The following MFHAS1 variants were observed in gnomAD, a reference collection of about 807,000 sequenced individuals.
MFHAS1 encodes multifunctional ROCO family signaling regulator 1, also known as malignant fibrous histiocytoma-amplified sequence 1.
MFHAS1 carries 50 observed loss-of-function variants against 70.4 expected under a neutral mutation model. The observed-to-expected ratio is 0.71, with a 90% CI of 0.57 to 0.90. MFHAS1 has a LOEUF of 0.90. Ranked by LOEUF, MFHAS1 falls within the 40% of genes least tolerant of loss-of-function variation. The pLI is 0.00. For missense variants in MFHAS1, 1,795 were observed against 1,347.6 expected (o/e 1.33, Z -5.20); for synonymous variants, 952 against 620.0 (o/e 1.54, Z -7.96).
Position 8,890,871 on chromosome 8 carries a change from G to A in MFHAS1, c.2188C>T (p.Leu730Phe). The change falls in exon 1 of 3, where the codon CTC becomes TTC. Residue 730 changes from leucine (L) to phenylalanine (F), a missense_variant. Physicochemically the swap from Leu to Phe is conservative, Grantham distance 22. Transcript: ENST00000276282. The part of the protein sequence containing the change: ...PALKEHVFHN[L>F]TRLIDILNVF... The stretch of plus-strand genomic sequence containing the variant: ...TTGAGGATGTCGATGAGGCGGGTGA[G>A]GTTGTGGAAGACGTGCTCCTTGAGA... The A allele has an allele frequency of 6.2e-7, 1 of 1,614,128 alleles. No individual in the cohort carries two copies. Among genetic ancestry groups the A allele is most frequent in the Non-Finnish European group, 8.5e-7 (1 of 1,180,030 alleles).
intron 1 of MFHAS1, among the ~76,000 whole-genome samples, chr8:8,884,862 A>C (rs1477927814): frequency 6.6e-6 from 1 of 152,104 alleles, no homozygotes; most frequent in Non-Finnish European, 1.5e-5. Context: ...AAGTAGGAGG[A>C]TCATCACCTG....
intron 1 of MFHAS1, among the ~76,000 whole-genome samples, chr8:8,870,153 G>C (rs571499787): frequency 6.6e-4 from 100 of 152,070 alleles, no homozygotes; most frequent in South Asian, 2.1e-4. Context: ...TGAATAGATA[G>C]GCTAAAAGTT....
At chr8:8,803,427 G>A (rs1372196927) in intron 1 of MFHAS1, among the ~76,000 whole-genome samples, 1 of 150,350 alleles carries the variant, frequency 6.7e-6, no homozygotes, top group Non-Finnish European at 1.5e-5. Flanking sequence ...TGAGGCAGAA[G>A]AATCGCTTGA....
chr8:8,810,952 G>C (rs1806524145), intron 1 of MFHAS1, among the ~76,000 whole-genome samples: 1 of 152,174 alleles, frequency 6.6e-6, no homozygotes, highest in South Asian at 2.1e-4. Flanking sequence ...TCCTGGGAGA[G>C]AGGAGAAAAC....
intron 1 of MFHAS1, among the ~76,000 whole-genome samples, chr8:8,818,660 T>C (rs187038022): frequency 9.1e-4 from 139 of 152,344 alleles, no homozygotes; most frequent in Middle Eastern, 3.4e-3. Flanking sequence ...TGGCACATAA[T>C]AGCAACTCAC....
rs1340866454 is a variant in MFHAS1, at chr8:8,784,070, A to G, written c.*1952T>C. ...ATGTTCGTAACAGCAAATACTTTGT[A>G]GGGTGTGTCACCCAAAGGAGCATTT... On this transcript the variant is annotated 3_prime_UTR_variant, in exon 3 of 3. Transcript: ENST00000276282. 1.3e-5 allele frequency: 2 copies of G among 152,206 alleles called. No individual in the cohort carries two copies. The highest frequency in any genetic ancestry group is 2.9e-5 in the Non-Finnish European group (2 of 68,028). The allele number at this position is 152,206 out of a possible 1,614,324, so 9.4% of individuals were successfully genotyped here.
chr8:8,820,412 A>G (rs919467383), intron 1 of MFHAS1, among the ~76,000 whole-genome samples: 2 of 152,192 alleles, frequency 1.3e-5, no homozygotes, highest in East Asian at 1.9e-4. Context: ...AGCCATAAGC[A>G]TAACTGCAAC....
intron 1 of MFHAS1, among the ~76,000 whole-genome samples, chr8:8,869,405 G>A (rs1306032974): frequency 1.3e-5 from 2 of 152,100 alleles, no homozygotes; most frequent in Non-Finnish European, 2.9e-5. Context: ...TGCCAAGCAC[G>A]CGACAATCAG....
At chr8:8,788,540 G>A (rs1035046376) in intron 2 of MFHAS1, among the ~76,000 whole-genome samples, 2 of 152,174 alleles carry the variant, frequency 1.3e-5, no homozygotes, top group Non-Finnish European at 2.9e-5. Context: ...TTAGCCAGGC[G>A]TGGTGGTGCA....
At chr8:8,806,763 C>A (rs1270559700) in intron 1 of MFHAS1, among the ~76,000 whole-genome samples, 1 of 152,104 alleles carries the variant, frequency 6.6e-6, no homozygotes, top group Non-Finnish European at 1.5e-5. Context: ...GAGTTCGAGG[C>A]CAGCCTAGCC....
intron 1 of MFHAS1, among the ~76,000 whole-genome samples, chr8:8,807,904 T>C (rs1199532287): frequency 1.3e-5 from 2 of 152,276 alleles, no homozygotes; most frequent in Non-Finnish European, 2.9e-5. Flanking sequence ...TATTTAGATA[T>C]ACAGTGGTCC....
At chr8:8,883,467 G>C (rs555047136) in intron 1 of MFHAS1, among the ~76,000 whole-genome samples, 42 of 151,682 alleles carry the variant, frequency 2.8e-4, no homozygotes, top group African/African-American at 1.0e-3. Context: ...CAGCACTTTG[G>C]GCAGCCAAGG....
chr8:8,789,416 G>A (rs1198663973), intron 2 of MFHAS1, among the ~76,000 whole-genome samples: 1 of 152,164 alleles, frequency 6.6e-6, no homozygotes, highest in East Asian at 1.9e-4. Context: ...CAGACATCCA[G>A]GGATGATGCC....
Position 8,892,943 on chromosome 8 carries a change from GC to G in MFHAS1, c.115del (p.Ala39ProfsTer30). The G allele has an allele frequency of 6.5e-7, 1 of 1,547,348 alleles. No individual in the cohort carries two copies. Among genetic ancestry groups the G allele is most frequent in the East Asian group, 2.5e-5 (1 of 40,560 alleles). On this transcript the variant is annotated frameshift_variant, in exon 1 of 3. Coordinates refer to ENST00000276282, the MANE Select transcript of MFHAS1 (RefSeq NM_004225.3). LOFTEE classifies it high-confidence loss of function. The surrounding 1 kb of genome is among the most constrained non-coding windows in gnomAD (Gnocchi z 4.7). The stretch of plus-strand genomic sequence containing the variant: ...CGCGTCGGCCCCGGCCCCGGGGCAG[GC>G]CCCGGCGGCGGTAAGCGTGAGCTGG... ...LRQLTLTAAG[A>X]CPGAGADALE...
At chr8:8,796,982 C>T (rs1025497499) in intron 2 of MFHAS1, among the ~76,000 whole-genome samples, 3 of 151,970 alleles carry the variant, frequency 2.0e-5, no homozygotes, top group South Asian at 2.1e-4. Context: ...GGTGACAGAG[C>T]GAGACTCCAT....
intron 1 of MFHAS1, among the ~76,000 whole-genome samples, chr8:8,811,760 A>C (rs1806556888): frequency 6.6e-6 from 1 of 152,230 alleles, no homozygotes; most frequent in Non-Finnish European, 1.5e-5. Flanking sequence ...TTAAAGAACG[A>C]AACTCATCCA....
chr8:8,825,176 G>A (rs1050948609), intron 1 of MFHAS1, among the ~76,000 whole-genome samples: 1 of 152,044 alleles, frequency 6.6e-6, no homozygotes, highest in East Asian at 1.9e-4. Flanking sequence ...AAGGGTTGCG[G>A]TTTTTTTGTT....
In MFHAS1 at chr8:8,891,016, T is replaced by G; in HGVS notation, c.2043A>C (p.Leu681=). ...CCAAGCGCGCCGAGTCCCACCAGCTTAGCCACAGTCGCTGGGCCTGAGGTG... is the reference window on the plus strand; with the variant it reads ...CCAAGCGCGCCGAGTCCCACCAGCTGAGCCACAGTCGCTGGGCCTGAGGTG... ...FQPPQAQRLW[L]SWWDSARLGL... Residue 681 remains leucine, a synonymous_variant, in exon 1 of 3, where the codon CTA becomes CTC. Transcript: ENST00000276282. This position sits in a 1 kb window ranked among gnomAD's most constrained non-coding sequence, Gnocchi z 5.4. The G allele has an allele frequency of 6.2e-7, 1 of 1,613,810 alleles. No homozygotes were observed. Among genetic ancestry groups the G allele is most frequent in the Non-Finnish European group, 8.5e-7 (1 of 1,179,950 alleles).
chr8:8,889,673 G>C (rs1809911831), intron 1 of MFHAS1, among the ~76,000 whole-genome samples: 1 of 152,214 alleles, frequency 6.6e-6, no homozygotes, highest in Non-Finnish European at 1.5e-5. Context: ...ACCCCTTTGA[G>C]ACGTGTCTAA....
Sources: gnomAD v4.1 joint callset for allele counts (sites outside exome capture counted in the v4.1 genomes callset) on GRCh38, gnomAD v4.1.1 for gene constraint, Gnocchi (gnomAD v3.1) non-coding constraint, MANE v1.5 for transcripts, NCBI Gene and HGNC (gene_info 2026-07-23, HGNC 2026-07-21) for gene names.